Variants in ZNF577 observed in about 807,000 individuals in gnomAD.
ZNF577 encodes the protein zinc finger protein 577.
ZNF577 carries 14 observed loss-of-function variants against 13.9 expected under a neutral mutation model. The ratio of observed to expected loss-of-function variants is 1.00; its 90% confidence interval spans 0.66 to 1.57. The LOEUF (loss-of-function observed/expected upper bound fraction) is 1.57. Ranked by LOEUF, ZNF577 falls within the 40% of genes most tolerant of loss-of-function variation. The pLI is 0.00. For missense variants in ZNF577, 555 were observed against 579.2 expected (o/e 0.96, Z 0.43); for synonymous variants, 203 against 202.9 (o/e 1.00, Z 0.00).
chr19:51,831,995 C>T (rs978590294), intron 9 of ZNF577, among the ~76,000 whole-genome samples: 2 of 152,154 alleles, frequency 1.3e-5, no homozygotes, highest in African/African-American at 4.8e-5. Context: ...GATAACGTAG[C>T]CTCTCAGGCT....
In ZNF577 at chr19:51,867,771, C is replaced by T. The variant is rs572754033; in HGVS notation, c.*4761G>A. 1.4e-4 allele frequency among the ~76,000 whole-genome samples: 21 copies of T among 152,018 alleles called. No individual in the cohort carries two copies. Among genetic ancestry groups the T allele is most frequent in the African/African-American group, 4.3e-4 (18 of 41,464 alleles). On this transcript the variant is annotated 3_prime_UTR_variant, in exon 6 of 6. Transcript: ENST00000638348. ...CTGCACTCCAGCCTGGGCAAAAGAGCGAAACTCCATCTCAAATAAACAAAA... is the reference window on the plus strand; with the variant it reads ...CTGCACTCCAGCCTGGGCAAAAGAGTGAAACTCCATCTCAAATAAACAAAA...
chr19:51,827,289 A>G (rs1183673340), intron 9 of ZNF577, among the ~76,000 whole-genome samples: 1 of 152,210 alleles, frequency 6.6e-6, no homozygotes, highest in East Asian at 1.9e-4. Flanking sequence ...TTGAGGCTAG[A>G]GGCAGGAAGG....
intron 9 of ZNF577, among the ~76,000 whole-genome samples, chr19:51,837,043 CAA>C (rs766829761): frequency 1.0e-4 from 8 of 77,834 alleles, no homozygotes; most frequent in African/African-American, 9.7e-5. Flanking sequence ...GACTCTGTCT[CAA>C]AAAAAAAAAA....
chr19:51,846,091 G>A (rs1199270211), intron 5 of ZNF577, among the ~76,000 whole-genome samples: 1 of 151,690 alleles, frequency 6.6e-6, no homozygotes, highest in Non-Finnish European at 1.5e-5. Context: ...ATGGCTGACT[G>A]CAGCCCCAAC....
intron 10 of ZNF577, among the ~76,000 whole-genome samples, chr19:51,809,256 G>C (rs2084081420): frequency 6.6e-6 from 1 of 152,196 alleles, no homozygotes; most frequent in African/African-American, 2.4e-5. Flanking sequence ...ACCAAGACAA[G>C]GTAAAATCTC....
chr19:51,819,743 T>C (rs1194773890), intron 9 of ZNF577, among the ~76,000 whole-genome samples: 1 of 152,210 alleles, frequency 6.6e-6, no homozygotes, highest in Non-Finnish European at 1.5e-5. Flanking sequence ...TGGCTAGGAA[T>C]TCTCTTTACA....
intron 5 of ZNF577, among the ~76,000 whole-genome samples, chr19:51,874,712 G>A (rs2122673629): frequency 6.6e-6 from 1 of 152,284 alleles, no homozygotes; most frequent in South Asian, 2.1e-4. Context: ...AAACATGACT[G>A]TCCTATGGAG....
Position 51,877,365 on chromosome 19 carries a change from G to T in ZNF577, c.200C>A (p.Thr67Asn), listed in dbSNP as rs1366421318. The part of the protein sequence containing the change: ...INLVSIGYRG[T>N]KPDSLFKLEQ... The stretch of plus-strand genomic sequence containing the variant: ...CAACTTGAAGAGCGAATCTGGCTTG[G>T]TGCCTCGATACCCTGTAAATGGGAG... Residue 67 changes from threonine (T) to asparagine (N), a missense_variant, in exon 5 of 6, where the codon ACC becomes AAC. By Grantham distance (65) the Thr-to-Asn change is moderately conservative. Coordinates refer to ENST00000638348, the MANE Select transcript of ZNF577 (RefSeq NM_001370449.1). 6.2e-7 allele frequency: 1 copy of T among 1,614,056 alleles called. No individual in the cohort carries two copies. The highest frequency in any genetic ancestry group is 1.1e-5 in the South Asian group (1 of 91,082).
At chr19:51,862,048 A>T (rs1055531352), downstream of ZNF577, 2 of 152,498 alleles carry the variant, frequency 1.3e-5, no homozygotes, top group African/African-American at 4.8e-5. Context: ...GTTGACCTTC[A>T]TTGCATCATA....
At position 51,867,395 on chromosome 19, in the gene ZNF577, AAAG is replaced by A. The variant is rs1169760198; in HGVS notation, c.*5134_*5136del. ...GGACAAAAGATCTCTTTTCAAGAGA[AAAG>A]AAGACATGTCAGAGAGAGGCCCAGC... On this transcript the variant is annotated 3_prime_UTR_variant, in exon 6 of 6. Coordinates refer to ENST00000638348, the MANE Select transcript of ZNF577 (RefSeq NM_001370449.1). 6.6e-6 allele frequency among the ~76,000 whole-genome samples: 1 copy of A among 152,140 alleles called. No homozygotes were observed. Among genetic ancestry groups the A allele is most frequent in the Non-Finnish European group, 1.5e-5 (1 of 68,034 alleles).
At chr19:51,843,378 C>A (rs369246467) in intron 6 of ZNF577, 2 of 152,180 alleles carry the variant, frequency 1.3e-5, no homozygotes, top group East Asian at 3.8e-4. Context: ...CTATAAGACT[C>A]GTAGGACATT....
At chr19:51,844,993 TAA>T (rs1360036723) in intron 5 of ZNF577, 2 of 152,162 alleles carry the variant, frequency 1.3e-5, no homozygotes, top group Non-Finnish European at 2.9e-5. Flanking sequence ...TCCGCGTAAA[TAA>T]AAAGACTTTT....
At chr19:51,830,953 C>A (rs765894891) in intron 9 of ZNF577, among the ~76,000 whole-genome samples, 1 of 152,176 alleles carries the variant, frequency 6.6e-6, no homozygotes, top group Non-Finnish European at 1.5e-5. Context: ...TGCATTTCCA[C>A]TTGAAAACCT....
chr19:51,857,127 C>T (rs2084430999), intron 5 of ZNF577, among the ~76,000 whole-genome samples: 1 of 152,110 alleles, frequency 6.6e-6, no homozygotes, highest in East Asian at 1.9e-4. Context: ...GGTGAAACCC[C>T]ATCTCTACTA....
At chr19:51,854,392 G>A (rs1167099572) in intron 5 of ZNF577, among the ~76,000 whole-genome samples, 3 of 151,254 alleles carry the variant, frequency 2.0e-5, no homozygotes, top group African/African-American at 4.9e-5. Context: ...GCAGTGCCAC[G>A]ATCATGGCTC....
chr19:51,882,483 A>G (rs927019756), intron 1 of ZNF577, among the ~76,000 whole-genome samples: 10 of 93,592 alleles, frequency 1.1e-4, no homozygotes, highest in Admixed American at 1.0e-3. Flanking sequence ...ATCCAATAAA[A>G]AAAAAAAAAA....
intron 9 of ZNF577, among the ~76,000 whole-genome samples, chr19:51,837,356 A>C (rs2084293566): frequency 6.6e-6 from 1 of 152,148 alleles, no homozygotes; most frequent in Admixed American, 6.5e-5. Flanking sequence ...GGGAAGGTGA[A>C]CTCTGATTGG....
At chr19:51,828,207 A>G (rs1192250798) in intron 9 of ZNF577, among the ~76,000 whole-genome samples, 1 of 152,136 alleles carries the variant, frequency 6.6e-6, no homozygotes, top group Non-Finnish European at 1.5e-5. Context: ...GTCTGTACTA[A>G]AAATACAAAA....
chr19:51,810,882 A>T (rs2084091981), intron 10 of ZNF577, among the ~76,000 whole-genome samples: 1 of 152,160 alleles, frequency 6.6e-6, no homozygotes. Flanking sequence ...GGAAATAGGA[A>T]AAGTGCAAGG....
Sources: gnomAD v4.1 joint callset for allele counts (sites outside exome capture counted in the v4.1 genomes callset) on GRCh38, gnomAD v4.1.1 for gene constraint, MANE v1.5 for transcripts, NCBI Gene and HGNC (gene_info 2026-07-23, HGNC 2026-07-21) for gene names.